PTPRD: variants seen among roughly 807,000 people sequenced by gnomAD.
PTPRD encodes the protein protein tyrosine phosphatase receptor type D.
In PTPRD, 34 loss-of-function variants were observed where a neutral mutation model predicts 214.5. That is an observed-to-expected ratio of 0.16 (90% CI 0.12 to 0.21). PTPRD has a LOEUF of 0.21. Among genes scored for constraint, PTPRD ranks in the 10% least tolerant of loss-of-function variants. The probability of loss-of-function intolerance (pLI) is 1.00; values close to 1 mark genes in which losing one functional copy is unlikely to be tolerated. For synonymous variants in PTPRD, 1,128 were observed against 845.7 expected, an observed-to-expected ratio of 1.33 and a Z score of -5.79; for missense variants, 2,545 against 2,398.7, an observed-to-expected ratio of 1.06 and a Z score of -1.27.
At chr9:9,376,706 A>C (rs1319946532) in intron 9 of PTPRD, among the ~76,000 whole-genome samples, 1 of 152,150 alleles carries the variant, frequency 6.6e-6, no homozygotes, top group Non-Finnish European at 1.5e-5. Flanking sequence ...AAAAGCTTTT[A>C]ATAGGACTGT....
intron 2 of PTPRD, among the ~76,000 whole-genome samples, chr9:10,360,676 C>A (rs1449980487): frequency 1.3e-5 from 2 of 152,076 alleles, no homozygotes; most frequent in South Asian, 2.1e-4. Flanking sequence ...TTATTGATGA[C>A]CCCCCAAAAG....
chr9:9,273,186 C>G (rs1320165924), intron 9 of PTPRD, among the ~76,000 whole-genome samples: 1 of 151,172 alleles, frequency 6.6e-6, no homozygotes, highest in Admixed American at 6.6e-5. Context: ...CAATATATGG[C>G]AAAAATGATT....
intron 9 of PTPRD, among the ~76,000 whole-genome samples, chr9:9,243,708 C>A (rs2099971550): frequency 6.6e-6 from 1 of 152,146 alleles, no homozygotes; most frequent in African/African-American, 2.4e-5. Context: ...AAACTGGAAG[C>A]ATTCCCCTTG....
chr9:8,598,265 A>G (rs759616007), intron 14 of PTPRD, among the ~76,000 whole-genome samples: 12 of 152,154 alleles, frequency 7.9e-5, no homozygotes, highest in Admixed American at 3.3e-4. Flanking sequence ...CAGCCTGGCC[A>G]ACATGGTGAA....
At chr9:9,352,535 C>T (rs1187639870) in intron 9 of PTPRD, among the ~76,000 whole-genome samples, 2 of 151,672 alleles carry the variant, frequency 1.3e-5, no homozygotes, top group Non-Finnish European at 2.9e-5. Context: ...TGGAGTTAGT[C>T]CAGAGACAAA....
At chr9:10,170,888 A>C (rs111652114) in intron 3 of PTPRD, among the ~76,000 whole-genome samples, 61 of 152,284 alleles carry the variant, frequency 4.0e-4, no homozygotes, top group African/African-American at 1.3e-3. Flanking sequence ...TTTAAATACT[A>C]GGACTGAACA....
At chr9:9,167,820 T>C (rs1375207993) in intron 10 of PTPRD, among the ~76,000 whole-genome samples, 1 of 152,088 alleles carries the variant, frequency 6.6e-6, no homozygotes, top group Non-Finnish European at 1.5e-5. Context: ...AAATTAATTT[T>C]TATCCTGAAT....
intron 8 of PTPRD, among the ~76,000 whole-genome samples, chr9:9,450,709 T>C (rs564368979): frequency 1.4e-3 from 211 of 151,060 alleles, no homozygotes; most frequent in Non-Finnish European, 2.4e-3. Flanking sequence ...CAAAAAACTG[T>C]ATGAAGAAAA....
At chr9:9,816,776 T>C (rs1447401809) in intron 5 of PTPRD, among the ~76,000 whole-genome samples, 1 of 152,002 alleles carries the variant, frequency 6.6e-6, no homozygotes, top group East Asian at 1.9e-4. Context: ...GTGCATTCCT[T>C]TAGTAATAGA....
In PTPRD at chr9:8,637,802, G is replaced by A. The variant is rs575647624; in HGVS notation, c.65-958C>T. On this transcript the variant is annotated intron_variant, in intron 12 of 45. Coordinates refer to ENST00000381196, the MANE Select transcript of PTPRD (RefSeq NM_002839.4). ...GTGAAATAAAATATGGCATGAAGAT[G>A]GAACATCATACAAGTAGTTAAGTGT... Among the ~76,000 whole-genome samples, 4 of 152,056 alleles carry A rather than the reference G, an allele frequency of 2.6e-5. No homozygotes were observed. The South Asian group carries it at 8.3e-4, about 32-fold the overall frequency.
intron 8 of PTPRD, among the ~76,000 whole-genome samples, chr9:9,433,128 G>A (rs917549962): frequency 6.6e-6 from 1 of 152,128 alleles, no homozygotes; most frequent in Non-Finnish European, 1.5e-5. Flanking sequence ...TAAAGAAAGT[G>A]GCAGAGAACC....
intron 4 of PTPRD, among the ~76,000 whole-genome samples, chr9:9,980,825 G>A (rs1698975657): frequency 6.7e-6 from 1 of 149,166 alleles, no homozygotes; most frequent in South Asian, 2.1e-4. Flanking sequence ...TTTATAGGTA[G>A]TTCACAGAAA....
intron 8 of PTPRD, among the ~76,000 whole-genome samples, chr9:9,407,266 G>C (rs567531433): frequency 6.6e-6 from 1 of 151,644 alleles, no homozygotes; most frequent in Non-Finnish European, 1.5e-5. Flanking sequence ...TATGATAATT[G>C]TTTACTCATT....
At chr9:9,275,128 TTATA>T (rs1475134955) in intron 9 of PTPRD, among the ~76,000 whole-genome samples, 3 of 49,784 alleles carry the variant, frequency 6.0e-5, no homozygotes. Flanking sequence ...ATTATATATA[TTATA>T]TATAATATAT....
chr9:9,102,985 T>C (rs2099793386), intron 10 of PTPRD, among the ~76,000 whole-genome samples: 1 of 152,228 alleles, frequency 6.6e-6, no homozygotes, highest in South Asian at 2.1e-4. Flanking sequence ...TCAGTTTTTA[T>C]GGTCTCTGTG....
At chr9:8,663,395 A>T (rs1337804) in intron 12 of PTPRD, among the ~76,000 whole-genome samples, 15,452 of 152,086 alleles carry the variant, frequency 0.1, 905 homozygotes, top group East Asian at 0.18. Context: ...TAAAAAAAAA[A>T]ATATCACTGT....
chr9:9,372,442 CT>C (rs1178033534), intron 9 of PTPRD, among the ~76,000 whole-genome samples: 2 of 151,746 alleles, frequency 1.3e-5, no homozygotes, highest in African/African-American at 4.8e-5. Flanking sequence ...CAACCCCTGT[CT>C]TTTTTTGTTT....
intron 9 of PTPRD, among the ~76,000 whole-genome samples, chr9:9,361,437 C>G (rs974740225): frequency 6.6e-6 from 1 of 150,896 alleles, no homozygotes; most frequent in Non-Finnish European, 1.5e-5. Flanking sequence ...CCTGGCATTC[C>G]TCAATTTTAT....
chr9:8,380,368 G>C (rs956198912), intron 37 of PTPRD, among the ~76,000 whole-genome samples: 3 of 152,112 alleles, frequency 2.0e-5, no homozygotes, highest in African/African-American at 4.8e-5. Context: ...CTTCTGAAAA[G>C]AGTATGTGTT....
Sources: allele counts gnomAD v4.1 joint callset (sites outside exome capture counted in the v4.1 genomes callset), GRCh38; gene constraint gnomAD v4.1.1; transcripts MANE v1.5; gene names NCBI Gene and HGNC (gene_info 2026-07-23, HGNC 2026-07-21).